Variants in CTNNA2 observed in about 807,000 individuals in gnomAD.
The protein encoded by CTNNA2 is catenin alpha-2.
CTNNA2 carries 42 observed loss-of-function variants against 101.0 expected under a neutral mutation model. The observed-to-expected ratio is 0.42, with a 90% CI of 0.32 to 0.54. CTNNA2 has a LOEUF of 0.54. Ranked by LOEUF, CTNNA2 falls within the 20% of genes least tolerant of loss-of-function variation. The pLI, the probability that CTNNA2 is intolerant of heterozygous loss-of-function variation, is 0.14. For synonymous variants in CTNNA2, 450 were observed against 456.4 expected (o/e 0.99, Z 0.18); for missense variants, 871 against 1,223.1 (o/e 0.71, Z 4.29).
chr2:80,546,069 C>T lies in CTNNA2; in HGVS notation c.1540+6C>T, dbSNP rs767536547. 1 of 1,613,434 alleles carries T rather than the reference C, an allele frequency of 6.2e-7. No individual in the cohort carries two copies. Among genetic ancestry groups the T allele is most frequent in the South Asian group, 1.1e-5 (1 of 90,984 alleles). The stretch of plus-strand genomic sequence containing the variant: ...TGACTTCCTCTCTGTCTCAGGTAAT[C>T]ATCACAAACAGGTCCCTTACAAGGC... On this transcript the variant is annotated splice_donor_region_variant and intron_variant, in intron 11 of 18. Coordinates refer to ENST00000402739, the MANE Select transcript of CTNNA2 (RefSeq NM_001282597.3).
chr2:79,761,419 C>G (rs1395629618), intron 3 of CTNNA2, among the ~76,000 whole-genome samples: 1 of 152,154 alleles, frequency 6.6e-6, no homozygotes, highest in African/African-American at 2.4e-5. Context: ...TAAGTCAATG[C>G]ATATTATTGA....
At chr2:79,516,057 A>G (rs1052457890) in intron 1 of CTNNA2, among the ~76,000 whole-genome samples, 4 of 152,224 alleles carry the variant, frequency 2.6e-5, no homozygotes, top group African/African-American at 9.6e-5. Context: ...TCACAGTGGC[A>G]AGTAACAAGA....
intron 4 of CTNNA2, among the ~76,000 whole-genome samples, chr2:79,418,169 A>T (rs1309739755): frequency 6.6e-6 from 1 of 152,080 alleles, no homozygotes; most frequent in Non-Finnish European, 1.5e-5. Flanking sequence ...AAACCTGAGA[A>T]GATATCTCAA....
At chr2:80,224,957 A>T (rs1558919700) in intron 7 of CTNNA2, among the ~76,000 whole-genome samples, 1 of 152,152 alleles carries the variant, frequency 6.6e-6, no homozygotes, top group South Asian at 2.1e-4. Flanking sequence ...TCTGTGCAGG[A>T]TAAATAGCTT....
At chr2:80,520,239 G>T (rs1372676739) in intron 9 of CTNNA2, among the ~76,000 whole-genome samples, 1 of 151,924 alleles carries the variant, frequency 6.6e-6, no homozygotes, top group Admixed American at 6.6e-5. Flanking sequence ...GACATAAAGG[G>T]ATCAATAAGC....
intron 1 of CTNNA2, among the ~76,000 whole-genome samples, chr2:79,614,251 CT>C (rs1454997255): frequency 8.6e-5 from 13 of 152,026 alleles, no homozygotes; most frequent in Non-Finnish European, 1.8e-4. Context: ...TAAGGATAAC[CT>C]GATGTTAAAA....
chr2:80,291,458 C>T (rs1675231644), intron 7 of CTNNA2, among the ~76,000 whole-genome samples: 1 of 152,228 alleles, frequency 6.6e-6, no homozygotes, highest in Non-Finnish European at 1.5e-5. Context: ...AGGACCTCCT[C>T]TGCCAGAAGA....
intron 4 of CTNNA2, among the ~76,000 whole-genome samples, chr2:79,863,984 G>T (rs1210199466): frequency 6.6e-6 from 1 of 152,192 alleles, no homozygotes; most frequent in Non-Finnish European, 1.5e-5. Flanking sequence ...TTCCTCTGCT[G>T]CAGGAGCCTG....
At chr2:79,980,861 A>G (rs1691213259) in intron 7 of CTNNA2, among the ~76,000 whole-genome samples, 1 of 152,162 alleles carries the variant, frequency 6.6e-6, no homozygotes, top group Admixed American at 6.5e-5. Context: ...TTAAGTTGCA[A>G]TATTACTTAT....
chr2:79,187,265 C>CTTTTTTTTTTTTTTTTTTT (rs1156460356), intron 1 of CTNNA2, among the ~76,000 whole-genome samples: 1 of 83,404 alleles, frequency 1.2e-5, no homozygotes, highest in African/African-American at 5.8e-5. Flanking sequence ...CTTTTCTTTT[C>CTTTTTTTTTTTTTTTTTTT]TTTTCTTTTT....
rs78207957 is a variant in CTNNA2, at chr2:79,192,360, T to A, written c.-523-5599T>A. On this transcript the variant is annotated intron_variant, in intron 1 of 21. Transcript: ENST00000466387. ...TTCAGTGTTCAACACAAAGTAGCCC[T>A]GGAACATGACCTTAACCCTGCATGT... Among the ~76,000 whole-genome samples, 441 of 152,304 alleles carry A rather than the reference T, an allele frequency of 2.9e-3. 1 individual carries two copies. Among genetic ancestry groups the A allele is most frequent in the African/African-American group, 0.01 (427 of 41,566 alleles).
At chr2:80,625,991 C>CT (rs1243689112) in intron 18 of CTNNA2, among the ~76,000 whole-genome samples, 1 of 151,946 alleles carries the variant, frequency 6.6e-6, no homozygotes, top group East Asian at 1.9e-4. Flanking sequence ...TCCCAAAAAG[C>CT]TGAATGAATC....
intron 3 of CTNNA2, among the ~76,000 whole-genome samples, chr2:79,753,871 T>C (rs1208195959): frequency 2.4e-4 from 35 of 148,226 alleles, no homozygotes; most frequent in East Asian, 9.8e-4. Context: ...TTCTCTCTTT[T>C]TTTTTTTTTT....
At chr2:79,790,321 G>T (rs1675172669) in intron 3 of CTNNA2, among the ~76,000 whole-genome samples, 1 of 152,152 alleles carries the variant, frequency 6.6e-6, no homozygotes, top group Non-Finnish European at 1.5e-5. Context: ...TAGAGAGAGG[G>T]AGGAGTTGAC....
intron 6 of CTNNA2, among the ~76,000 whole-genome samples, chr2:79,894,038 C>CT (rs1684505258): frequency 6.8e-6 from 1 of 146,850 alleles, no homozygotes; most frequent in Non-Finnish European, 1.5e-5. Flanking sequence ...TCTTCTTCTT[C>CT]TTCTTCTTCT....
intron 2 of CTNNA2, among the ~76,000 whole-genome samples, chr2:79,256,664 C>T (rs142301652): frequency 2.8e-4 from 42 of 152,282 alleles, no homozygotes; most frequent in African/African-American, 9.9e-4. Context: ...CTCAAGCATA[C>T]GTTCCTGTCC....
chr2:80,103,218 A>G (rs1286420278), intron 7 of CTNNA2, among the ~76,000 whole-genome samples: 1 of 152,182 alleles, frequency 6.6e-6, no homozygotes, highest in South Asian at 2.1e-4. Context: ...TGGAGGCTGA[A>G]AAGTCCCAGA....
intron 7 of CTNNA2, among the ~76,000 whole-genome samples, chr2:79,937,450 A>G (rs1294007025): frequency 6.6e-6 from 1 of 151,992 alleles, no homozygotes; most frequent in East Asian, 1.9e-4. Context: ...TCTTCAGGCT[A>G]TGTCTTCACT....
intron 7 of CTNNA2, among the ~76,000 whole-genome samples, chr2:80,336,402 G>T (rs541959252): frequency 6.6e-6 from 1 of 152,014 alleles, no homozygotes; most frequent in Admixed American, 6.6e-5. Flanking sequence ...ATAGCAACCC[G>T]CCCCCTCAAT....
Sources: allele counts gnomAD v4.1 joint callset (sites outside exome capture counted in the v4.1 genomes callset), GRCh38; gene constraint gnomAD v4.1.1; transcripts MANE v1.5; gene names NCBI Gene and HGNC (gene_info 2026-07-23, HGNC 2026-07-21).